Variants in PCCA observed in about 807,000 individuals in gnomAD.
The protein encoded by PCCA is propionyl-CoA carboxylase subunit alpha.
In PCCA, 74 loss-of-function variants were observed where a neutral mutation model predicts 101.3. That is an observed-to-expected ratio of 0.73 (90% CI 0.61 to 0.89). The LOEUF is 0.89. PCCA is among the 40% of genes least tolerant of loss of function. The probability of loss-of-function intolerance (pLI) is 0.00; values close to 1 mark genes in which losing one functional copy is unlikely to be tolerated. For synonymous variants in PCCA, 294 were observed against 313.6 expected, an observed-to-expected ratio of 0.94 and a Z score of 0.66; for missense variants, 891 against 907.0, an observed-to-expected ratio of 0.98 and a Z score of 0.23.
At chr13:100,212,679 T>A (rs181237348) in intron 7 of PCCA, among the ~76,000 whole-genome samples, 9 of 152,328 alleles carry the variant, frequency 5.9e-5, no homozygotes, top group East Asian at 3.9e-4. Context: ...ATTAATTTTT[T>A]AAAAATTCTT....
At chr13:100,454,905 A>C (rs2081596775) in intron 21 of PCCA, among the ~76,000 whole-genome samples, 1 of 152,146 alleles carries the variant, frequency 6.6e-6, no homozygotes, top group Non-Finnish European at 1.5e-5. Context: ...TGCTTGTATT[A>C]GATATTATAT....
chr13:100,175,364 A>G (rs1247442648), intron 6 of PCCA, among the ~76,000 whole-genome samples: 2 of 152,202 alleles, frequency 1.3e-5, no homozygotes, highest in Non-Finnish European at 2.9e-5. Flanking sequence ...TCTTAGCCAC[A>G]TGTCTACTAA....
At chr13:100,166,532 C>G (rs2055051872) in intron 6 of PCCA, among the ~76,000 whole-genome samples, 1 of 152,196 alleles carries the variant, frequency 6.6e-6, no homozygotes, top group African/African-American at 2.4e-5. Context: ...CTCCTGGCCT[C>G]AAGTGAGCTG....
chr13:100,127,595 T>C (rs1237213561), intron 4 of PCCA, among the ~76,000 whole-genome samples: 1 of 152,074 alleles, frequency 6.6e-6, no homozygotes, highest in Non-Finnish European at 1.5e-5. Flanking sequence ...AGCATACATA[T>C]AATAAAAGAT....
intron 6 of PCCA, among the ~76,000 whole-genome samples, chr13:100,167,911 C>T (rs1231406027): frequency 2.0e-5 from 3 of 152,052 alleles, no homozygotes; most frequent in South Asian, 2.1e-4. Context: ...GGATTATAGG[C>T]GCCCACCACC....
intron 6 of PCCA, among the ~76,000 whole-genome samples, chr13:100,157,717 T>A (rs2054017764): frequency 6.6e-6 from 1 of 152,186 alleles, no homozygotes; most frequent in Admixed American, 6.5e-5. Flanking sequence ...AATGCCTCTA[T>A]TTTGGGTGAA....
At chr13:100,289,146 A>C (rs1390722287) in intron 12 of PCCA, among the ~76,000 whole-genome samples, 2 of 152,174 alleles carry the variant, frequency 1.3e-5, no homozygotes. Context: ...ACTCTTGTAC[A>C]TGAGTTATGT....
chr13:100,450,194 C>T (rs1490846839), intron 21 of PCCA, among the ~76,000 whole-genome samples: 2 of 151,946 alleles, frequency 1.3e-5, no homozygotes, highest in African/African-American at 4.8e-5. Context: ...ACCAGCCTGA[C>T]CAACATGGTG....
intron 21 of PCCA, among the ~76,000 whole-genome samples, chr13:100,496,400 T>G (rs1345444404): frequency 6.6e-6 from 1 of 152,252 alleles, no homozygotes; most frequent in Non-Finnish European, 1.5e-5. Context: ...TTGACATTTT[T>G]GAAGACAGGC....
At chr13:100,158,058 A>G (rs1319385945) in intron 6 of PCCA, among the ~76,000 whole-genome samples, 1 of 152,206 alleles carries the variant, frequency 6.6e-6, no homozygotes, top group Non-Finnish European at 1.5e-5. Context: ...CTACTTACAG[A>G]AATCTACATG....
chr13:100,482,460 C>T lies in PCCA; in HGVS notation c.1900-32967C>T, dbSNP rs550843878. Among the ~76,000 whole-genome samples, 8 of 152,262 alleles carry T rather than the reference C, an allele frequency of 5.3e-5. 1 individual carries two copies. Among genetic ancestry groups the T allele is most frequent in the African/African-American group, 1.7e-4 (7 of 41,552 alleles). ...AAATGCCTGAGTGTGATGAGAAGAGCGCTGTCTTGTGAGGCTAGAGAGGGA... is the reference window on the plus strand; with the variant it reads ...AAATGCCTGAGTGTGATGAGAAGAGTGCTGTCTTGTGAGGCTAGAGAGGGA... On this transcript the variant is annotated intron_variant, in intron 21 of 23. Transcript: ENST00000376285.
intron 6 of PCCA, among the ~76,000 whole-genome samples, chr13:100,176,845 G>C (rs910096295): frequency 1.3e-5 from 2 of 152,150 alleles, no homozygotes; most frequent in African/African-American, 2.4e-5. Context: ...TGCAAGTCTT[G>C]AGAATATTAG....
At chr13:100,230,475 G>T (rs537979549) in intron 7 of PCCA, among the ~76,000 whole-genome samples, 1 of 151,198 alleles carries the variant, frequency 6.6e-6, no homozygotes, top group South Asian at 2.1e-4. Context: ...AACCCAGGAG[G>T]CAAAGGTTGC....
At chr13:100,414,137 A>G (rs1474465693) in intron 19 of PCCA, among the ~76,000 whole-genome samples, 1 of 152,232 alleles carries the variant, frequency 6.6e-6, no homozygotes, top group Admixed American at 6.5e-5. Context: ...TTTATAACAC[A>G]TGGATATTTA....
At chr13:100,187,950 AC>A in intron 6 of PCCA, among the ~76,000 whole-genome samples, 2 of 151,034 alleles carry the variant, frequency 1.3e-5, no homozygotes, top group South Asian at 4.2e-4. Context: ...TCATTCCTAT[AC>A]CTTTGCCTCC....
intron 18 of PCCA, among the ~76,000 whole-genome samples, chr13:100,354,508 G>A (rs1269877879): frequency 6.6e-6 from 1 of 151,818 alleles, no homozygotes; most frequent in Non-Finnish European, 1.5e-5. Flanking sequence ...CTGAAAACTA[G>A]AGTACAAATA....
chr13:100,268,767 G>A lies in PCCA; in HGVS notation c.898G>A (p.Val300Met), dbSNP rs763857161. The A allele has an allele frequency of 3.7e-6, 6 of 1,613,446 alleles. No individual in the cohort carries two copies. Among genetic ancestry groups the A allele is most frequent in the Non-Finnish European group, 5.1e-6 (6 of 1,179,328 alleles). The part of the protein sequence containing the change: ...CSIQRRNQKV[V>M]EEAPSIFLDA... The stretch of plus-strand genomic sequence containing the variant: ...AATTCAGAGAAGAAATCAGAAGGTG[G>A]TGGAGGAAGCACCAAGGTAAGTCTC... Residue 300 changes from valine to methionine, a missense_variant, in exon 11 of 24, where the codon GTG becomes ATG. Coordinates refer to ENST00000376285, the MANE Select transcript of PCCA (RefSeq NM_000282.4).
At chr13:100,444,852 C>T (rs888384377) in intron 20 of PCCA, among the ~76,000 whole-genome samples, 3 of 133,974 alleles carry the variant, frequency 2.2e-5, no homozygotes, top group African/African-American at 9.0e-5. Context: ...TTGGAAAATT[C>T]CTGCTCATTT....
intron 21 of PCCA, among the ~76,000 whole-genome samples, chr13:100,469,454 A>G (rs1173936440): frequency 6.6e-6 from 1 of 152,066 alleles, no homozygotes; most frequent in Non-Finnish European, 1.5e-5. Flanking sequence ...CCAGATAAAC[A>G]TTCCTTGGCC....
Sources: gnomAD v4.1 joint callset for allele counts (sites outside exome capture counted in the v4.1 genomes callset) on GRCh38, gnomAD v4.1.1 for gene constraint, MANE v1.5 for transcripts, NCBI Gene and HGNC (gene_info 2026-07-23, HGNC 2026-07-21) for gene names.